MPRIP: variants seen among roughly 807,000 people sequenced by gnomAD.
The protein encoded by MPRIP is myosin phosphatase Rho-interacting protein.
A neutral mutation model predicts 234.9 loss-of-function variants in MPRIP; 59 were observed. That is an observed-to-expected ratio of 0.25 (90% CI 0.20 to 0.31). MPRIP has a LOEUF of 0.31. Among genes scored for constraint, MPRIP ranks in the 10% least tolerant of loss-of-function variants. The pLI is 1.00. For missense variants in MPRIP, 2,436 were observed against 3,071.0 expected, an observed-to-expected ratio of 0.79 and a Z score of 4.89; for synonymous variants, 1,144 against 1,263.9, an observed-to-expected ratio of 0.91 and a Z score of 2.01.
rs772393764 is a variant in MPRIP, at chr17:17,147,443, A to G, written c.1629+56A>G. 9.3e-5 allele frequency: 141 copies of G among 1,521,548 alleles called. 1 individual carries two copies. In the Admixed American group the frequency reaches 2.2e-3, roughly 23 times the overall value. The allele number at this position is 1,521,548 out of a possible 1,614,324, so 94.3% of individuals were successfully genotyped here. A position where few individuals can be genotyped will look rare whatever the true frequency, so the allele number is the denominator to read the frequency against. ...AGACAGCTGGAGGGGTCCAGGCGGC[A>G]TCTGGGGCTAGTAGATCTGCTTCCC... On this transcript the variant is annotated intron_variant, in intron 11 of 23. Transcript: ENST00000651222.
intron 7 of MPRIP, 46 bp from the exon 8 acceptor site, chr17:17,142,581 C>G (rs1020868454): frequency 6.2e-7 from 1 of 1,601,734 alleles, no homozygotes; most frequent in African/African-American, 1.3e-5. Flanking sequence ...TGCCACCTCA[C>G]AGCTCACCTC....
At chr17:17,113,414 G>C (rs970221424) in intron 3 of MPRIP, among the ~76,000 whole-genome samples, 2 of 152,168 alleles carry the variant, frequency 1.3e-5, no homozygotes, top group Non-Finnish European at 2.9e-5. Context: ...TTTGTGACTG[G>C]CTTATTGCAC....
intron 3 of MPRIP, among the ~76,000 whole-genome samples, chr17:17,105,034 T>C (rs1188137407): frequency 6.6e-6 from 1 of 152,194 alleles, no homozygotes; most frequent in Non-Finnish European, 1.5e-5. Context: ...TGTTTGCTGC[T>C]TTCTCCTGTC....
intron 10 of MPRIP, among the ~76,000 whole-genome samples, chr17:17,146,853 T>G (rs2045477118): frequency 6.6e-6 from 1 of 152,270 alleles, no homozygotes; most frequent in Non-Finnish European, 1.5e-5. Context: ...CTGCTCACAG[T>G]GAAGACTTGG....
Position 17,191,224 on chromosome 17 carries a change from TTAA to T in MPRIP, c.*6331_*6333del, listed in dbSNP as rs1470394077. The T allele has an allele frequency of 2.0e-5, 3 of 152,130 alleles. No individual in the cohort carries two copies. The highest frequency in any genetic ancestry group is 7.2e-5 in the African/African-American group (3 of 41,416). 9.4% of individuals were successfully genotyped at this position (152,130 alleles called of 1,614,324 possible). On this transcript the variant is annotated 3_prime_UTR_variant, in exon 24 of 24. Coordinates refer to ENST00000651222, the MANE Select transcript of MPRIP (RefSeq NM_001364716.4). The stretch of plus-strand genomic sequence containing the variant: ...GAGTCCTTAAGGAAAATCAGGAAAA[TTAA>T]GAAAATGATGGTGCCATCTTGACCA...
chr17:17,126,915 G>A, intron 4 of MPRIP, 62 bp downstream of exon 4: 1 of 1,572,442 alleles, frequency 6.4e-7, no homozygotes, highest in Non-Finnish European at 8.7e-7. Flanking sequence ...ACACCAGATG[G>A]GCCGCCTGCC....
chr17:17,098,230 A>G (rs2089889344), intron 3 of MPRIP, among the ~76,000 whole-genome samples: 1 of 151,990 alleles, frequency 6.6e-6, no homozygotes, highest in African/African-American at 2.4e-5. Flanking sequence ...CTCAGCCTCA[A>G]CCTCTTTCCC....
chr17:17,114,493 G>T (rs1159846241), intron 3 of MPRIP, among the ~76,000 whole-genome samples: 1 of 152,104 alleles, frequency 6.6e-6, no homozygotes, highest in Non-Finnish European at 1.5e-5. Flanking sequence ...GCTAAATCCA[G>T]TGTTACAGGG....
In MPRIP at chr17:17,175,535, G is replaced by A. The variant is rs2292529; in HGVS notation, c.6870+123G>A. 713 of 1,304,720 alleles carry A rather than the reference G, an allele frequency of 5.5e-4. 18 individuals carry two copies. The East Asian group carries it at 0.019, about 34-fold the overall frequency. The allele number at this position is 1,304,720 out of a possible 1,614,324, so 80.8% of individuals were successfully genotyped here. A position where few individuals can be genotyped will look rare whatever the true frequency, so the allele number is the denominator to read the frequency against. On this transcript the variant is annotated intron_variant, in intron 20 of 23. Coordinates refer to ENST00000651222, the MANE Select transcript of MPRIP (RefSeq NM_001364716.4). ...CAGACCTGAGACAGCAGGAGTCACAGGGTCCAGGAAGATCCAAATCACCCG... is the reference window on the plus strand; with the variant it reads ...CAGACCTGAGACAGCAGGAGTCACAAGGTCCAGGAAGATCCAAATCACCCG...
intron 3 of MPRIP, among the ~76,000 whole-genome samples, chr17:17,108,626 T>G (rs2144265221): frequency 6.7e-6 from 1 of 149,790 alleles, no homozygotes; most frequent in East Asian, 1.9e-4. Context: ...CTGGCCTTTG[T>G]CTCTAGCCTC....
Position 17,091,109 on chromosome 17 carries a change from G to A in MPRIP, c.267+13033G>A, listed in dbSNP as rs1401180506. The stretch of plus-strand genomic sequence containing the variant: ...TCGGGGGCGGTTGGGGAGGGGGTGG[G>A]GTTTGACTTGCACCTGGATATGGAG... On this transcript the variant is annotated intron_variant, in intron 3 of 23. Coordinates refer to ENST00000651222, the MANE Select transcript of MPRIP (RefSeq NM_001364716.4). 2.7e-5 allele frequency among the ~76,000 whole-genome samples: 4 copies of A among 150,880 alleles called. No homozygotes were observed. The South Asian group carries it at 6.4e-4, about 24-fold the overall frequency.
At position 17,171,869 on chromosome 17, in the gene MPRIP, G is replaced by C. The variant is rs2046143831; in HGVS notation, c.6472+4G>C. 1 of 1,610,982 alleles carries C rather than the reference G, an allele frequency of 6.2e-7. No individual in the cohort carries two copies. The highest frequency in any genetic ancestry group is 1.3e-5 in the African/African-American group (1 of 74,822). ...GAGACAGCGGCCACCATCTCAGGTTGGGGGGTGGGGTAACCCTGAGGGCAG... is the reference window on the plus strand; with the variant it reads ...GAGACAGCGGCCACCATCTCAGGTTCGGGGGTGGGGTAACCCTGAGGGCAG... On this transcript the variant is annotated splice_donor_region_variant and intron_variant, in intron 17 of 23. Coordinates refer to ENST00000651222, the MANE Select transcript of MPRIP (RefSeq NM_001364716.4).
chr17:17,107,211 T>C (rs1395298391), intron 3 of MPRIP, among the ~76,000 whole-genome samples: 1 of 152,224 alleles, frequency 6.6e-6, no homozygotes, highest in East Asian at 1.9e-4. Context: ...TTTGTGGGTT[T>C]TCTCTGTGAA....
chr17:17,122,991 T>C (rs528932770), intron 3 of MPRIP, among the ~76,000 whole-genome samples: 2 of 152,198 alleles, frequency 1.3e-5, no homozygotes, highest in Non-Finnish European at 1.5e-5. Context: ...GATGAATGGA[T>C]AAACAAAATG....
intron 1 of MPRIP, among the ~76,000 whole-genome samples, chr17:17,050,560 C>T (rs2088507335): frequency 6.6e-6 from 1 of 152,220 alleles, no homozygotes; most frequent in Non-Finnish European, 1.5e-5. Flanking sequence ...CTCCGTCCCT[C>T]CCTTGGGCCT....
chr17:17,061,544 C>T (rs1342624513), intron 1 of MPRIP, among the ~76,000 whole-genome samples: 1 of 152,234 alleles, frequency 6.6e-6, no homozygotes, highest in Non-Finnish European at 1.5e-5. Flanking sequence ...GCCATCTGTC[C>T]CATCCAGTGC....
In MPRIP at chr17:17,164,261, C is replaced by G; in HGVS notation, c.2670C>G (p.Asp890Glu). The part of the protein sequence containing the change: ...TLKRSYGEAK[D>E]TIRHHEAEIR... The stretch of plus-strand genomic sequence containing the variant: ...AGCGTAGCTATGGGGAGGCCAAGGA[C>G]ACGATCCGGCACCACGAGGCTGAGA... The change falls in exon 16 of 24, where the codon GAC becomes GAG. Residue 890 changes from aspartate to glutamate, a missense_variant. Asp to Glu is a conservative substitution (Grantham distance 45, BLOSUM62 2). Transcript: ENST00000651222. 1 of 1,304,264 alleles carries G rather than the reference C, an allele frequency of 7.7e-7. No homozygotes were observed. The highest frequency in any genetic ancestry group is 5.5e-5 in the East Asian group (1 of 18,024). 80.8% of individuals were successfully genotyped at this position (1,304,264 alleles called of 1,614,324 possible).
chr17:17,078,132 A>G lies in MPRIP; in HGVS notation c.267+56A>G. ...CCAGCCTTCACCAAGTCCCTCCATT[A>G]CAGTGCCCTTGCGTTGTCATGTGAG... On this transcript the variant is annotated intron_variant, in intron 3 of 23. Coordinates refer to ENST00000651222, the MANE Select transcript of MPRIP (RefSeq NM_001364716.4). The surrounding 1 kb of genome is among the most constrained non-coding windows in gnomAD (Gnocchi z 4.3). 1 of 1,569,200 alleles carries G rather than the reference A, an allele frequency of 6.4e-7. No homozygotes were observed. Among genetic ancestry groups the G allele is most frequent in the South Asian group, 1.1e-5 (1 of 90,186 alleles).
chr17:17,157,313 A>G (rs1157698444), intron 13 of MPRIP, among the ~76,000 whole-genome samples: 2 of 152,204 alleles, frequency 1.3e-5, no homozygotes, highest in Non-Finnish European at 2.9e-5. Context: ...TAGCAGCACC[A>G]TGAGCACGAC....
Sources: gnomAD v4.1 joint callset for allele counts (sites outside exome capture counted in the v4.1 genomes callset) on GRCh38, gnomAD v4.1.1 for gene constraint, Gnocchi (gnomAD v3.1) non-coding constraint, MANE v1.5 for transcripts, NCBI Gene and HGNC (gene_info 2026-07-23, HGNC 2026-07-21) for gene names.